Variants in ERV3-1 observed in about 807,000 individuals in gnomAD.
The protein encoded by ERV3-1 is endogenous retrovirus group 3 member 1 Env polyprotein.
Under a neutral mutation model 24.6 loss-of-function variants are expected in ERV3-1, and 36 were observed. That is an observed-to-expected ratio of 1.47 (90% CI 1.12 to 1.94). ERV3-1 has a LOEUF of 1.94. Ranked by LOEUF, ERV3-1 falls within the 30% of genes most tolerant of loss-of-function variation. ERV3-1 has a pLI of 0.00. For synonymous variants in ERV3-1, 211 were observed against 122.6 expected (o/e 1.72, Z -4.76); for missense variants, 578 against 330.9 (o/e 1.75, Z -5.79).
Position 64,991,121 on chromosome 7 carries a change from G to A in ERV3-1, c.*91C>T, listed in dbSNP as rs1199031897. ...AGGGGTAAGAGACAAGGGAGTATAA[G>A]GCAAACTCCCAATATGGCTAGGACT... On this transcript the variant is annotated 3_prime_UTR_variant, in exon 2 of 2. Transcript: ENST00000394323. 3.3e-6 allele frequency: 2 copies of A among 607,826 alleles called. No homozygotes were observed. Among genetic ancestry groups the A allele is most frequent in the Non-Finnish European group, 5.9e-6 (2 of 340,746 alleles). The allele number at this position is 607,826 out of a possible 1,614,324, so 37.7% of individuals were successfully genotyped here.
chr7:64,998,166 C>T (rs1194650555), intron 1 of ERV3-1, among the ~76,000 whole-genome samples: 1 of 152,132 alleles, frequency 6.6e-6, no homozygotes, highest in African/African-American at 2.4e-5. Context: ...GTTTCTATCT[C>T]CTCTGCTGGT....
intron 1 of ERV3-1, among the ~76,000 whole-genome samples, chr7:64,999,575 G>A (rs977743904): frequency 1.3e-5 from 2 of 152,176 alleles, no homozygotes; most frequent in Non-Finnish European, 2.9e-5. Context: ...TACCGTGACA[G>A]GTTTTACAAC....
Position 64,992,404 on chromosome 7 carries a change from T to A in ERV3-1, c.623A>T (p.Asp208Val), listed in dbSNP as rs1365329194. 1 of 766,412 alleles carries A rather than the reference T, an allele frequency of 1.3e-6. No individual in the cohort carries two copies. Among genetic ancestry groups the A allele is most frequent in the Admixed American group, 1.7e-5 (1 of 59,028 alleles). 47.5% of individuals were successfully genotyped at this position (766,412 alleles called of 1,614,324 possible). ...TAAACCTGTTGTCCATATGGGCTGA[T>A]CTGGCTCTAAGATGGTAAGATTTAC... ...NSVNLTILEP[D>V]QPIWTTGLKA... is the part of the protein sequence containing the mutation. Residue 208 changes from aspartate to valine, a missense_variant, in exon 2 of 2, where the codon GAT (aspartate) becomes GTT (valine). Coordinates refer to ENST00000394323, the MANE Select transcript of ERV3-1 (RefSeq NM_001007253.4).
At position 64,993,271 on chromosome 7, in the gene ERV3-1, G is replaced by C. The variant is rs913933303; in HGVS notation, c.-245C>G. On this transcript the variant is annotated 5_prime_UTR_variant, in exon 2 of 2. Transcript: ENST00000394323. Reference sequence around the variant, plus strand: ...GTCAGCTTCCGGAGTGACCAGAGCAGGGCTGTTGTCATCTCACTGGCACCT... The same window carrying C: ...GTCAGCTTCCGGAGTGACCAGAGCACGGCTGTTGTCATCTCACTGGCACCT... The C allele has an allele frequency of 2.2e-6, 1 of 446,046 alleles. No individual in the cohort carries two copies. Among genetic ancestry groups the C allele is most frequent in the Non-Finnish European group, 4.0e-6 (1 of 248,324 alleles). The allele number at this position is 446,046 out of a possible 1,614,324, so 27.6% of individuals were successfully genotyped here.
chr7:64,999,796 G>A (rs1340414686), intron 1 of ERV3-1, among the ~76,000 whole-genome samples: 1 of 152,186 alleles, frequency 6.6e-6, no homozygotes, highest in Non-Finnish European at 1.5e-5. Flanking sequence ...CTCTGCTCCT[G>A]GAGCCCATTC....
intron 1 of ERV3-1, among the ~76,000 whole-genome samples, chr7:64,996,812 G>A (rs1786415128): frequency 6.6e-6 from 1 of 152,178 alleles, no homozygotes; most frequent in Non-Finnish European, 1.5e-5. Flanking sequence ...CAAGTGTTCA[G>A]CCCCAGTGTC....
Position 64,992,274 on chromosome 7 carries a change from G to A in ERV3-1, c.753C>T (p.Phe251=). 1.3e-6 allele frequency: 1 copy of A among 766,344 alleles called. No homozygotes were observed. The highest frequency in any genetic ancestry group is 2.4e-6 in the Non-Finnish European group (1 of 417,890). The allele number at this position is 766,344 out of a possible 1,614,324, so 47.5% of individuals were successfully genotyped here. The change falls in exon 2 of 2, where the codon TTC becomes TTT. Residue 251 remains phenylalanine, a synonymous_variant. Transcript: ENST00000394323. ...KKTRTRSTQQ[F]RVFESFYEHV... Reference sequence around the variant, plus strand: ...GCTCATAGAATGACTCAAAAACTCGGAACTGTTGGGTTGAGCGGGTCCGAG... The same window carrying A: ...GCTCATAGAATGACTCAAAAACTCGAAACTGTTGGGTTGAGCGGGTCCGAG...
At chr7:64,999,508 T>TG (rs1274787438) in intron 1 of ERV3-1, among the ~76,000 whole-genome samples, 1 of 152,182 alleles carries the variant, frequency 6.6e-6, no homozygotes, top group Non-Finnish European at 1.5e-5. Flanking sequence ...GTTTTTGGCA[T>TG]GAAACCTGTG....
chr7:64,994,796 C>G (rs144321087), intron 1 of ERV3-1, among the ~76,000 whole-genome samples: 4 of 152,324 alleles, frequency 2.6e-5, no homozygotes, highest in South Asian at 2.1e-4. Context: ...GCTGGAGAAC[C>G]CTCGTTAGGG....
chr7:65,000,897 G>T (rs1377504709), intron 1 of ERV3-1, among the ~76,000 whole-genome samples: 1 of 152,180 alleles, frequency 6.6e-6, no homozygotes, highest in East Asian at 1.9e-4. Flanking sequence ...CAGAAACATG[G>T]ACAGAGTTGG....
intron 1 of ERV3-1, among the ~76,000 whole-genome samples, chr7:65,003,114 G>A (rs1786559350): frequency 6.6e-6 from 1 of 152,118 alleles, no homozygotes; most frequent in Admixed American, 6.5e-5. Flanking sequence ...TCAGTATAAA[G>A]GCTTCTTCCA....
At chr7:64,998,390 CCA>C (rs1465542612) in intron 1 of ERV3-1, among the ~76,000 whole-genome samples, 1 of 152,128 alleles carries the variant, frequency 6.6e-6, no homozygotes, top group Non-Finnish European at 1.5e-5. Context: ...TCCTCCGACC[CCA>C]GTCACCACCT....
rs1448154274 is a variant in ERV3-1 at position 64,992,957 on chromosome 7, G to T, written c.70C>A (p.Pro24Thr). Residue 24 changes from proline (P) to threonine (T), a missense_variant, in exon 2 of 2, where the codon CCC becomes ACC. Pro to Thr is a conservative substitution (Grantham distance 38). Transcript: ENST00000394323. The stretch of plus-strand genomic sequence containing the variant: ...GTGCAGTGGAGGCATCCCTCCCAGG[G>T]TTCTCCTTTTAACATGGATAAGGGG... ...LLPLSMLKGE[P>T]WEGCLHCTHT... 5 of 766,276 alleles carry T rather than the reference G, an allele frequency of 6.5e-6. No homozygotes were observed. The highest frequency in any genetic ancestry group is 1.2e-5 in the Non-Finnish European group (5 of 417,894). The allele number at this position is 766,276 out of a possible 1,614,324, so 47.5% of individuals were successfully genotyped here. A position where few individuals can be genotyped will look rare whatever the true frequency, so the allele number is the denominator to read the frequency against.
intron 1 of ERV3-1, among the ~76,000 whole-genome samples, chr7:65,005,356 G>A (rs777360480): frequency 1.7e-4 from 26 of 152,146 alleles, no homozygotes; most frequent in Admixed American, 7.2e-4. Flanking sequence ...AAAATATTCT[G>A]ATAAGGTTTC....
At chr7:65,004,498 A>C (rs1486989297) in intron 1 of ERV3-1, 1 of 152,186 alleles carries the variant, frequency 6.6e-6, no homozygotes, top group African/African-American at 2.4e-5. Flanking sequence ...TTAAGAATGG[A>C]ATATAGGATT....
chr7:65,001,435 C>T (rs1786521763), intron 1 of ERV3-1, among the ~76,000 whole-genome samples: 1 of 152,204 alleles, frequency 6.6e-6, no homozygotes, highest in Non-Finnish European at 1.5e-5. Context: ...GCAAGAAACA[C>T]CAGGATGAAA....
At chr7:65,001,375 T>G (rs565864382) in intron 1 of ERV3-1, among the ~76,000 whole-genome samples, 14 of 152,148 alleles carry the variant, frequency 9.2e-5, no homozygotes, top group Non-Finnish European at 1.6e-4. Context: ...ATTCAGTGTC[T>G]GGGAATAGGA....
chr7:64,995,959 G>C (rs77940633), intron 1 of ERV3-1, among the ~76,000 whole-genome samples: 1 of 152,206 alleles, frequency 6.6e-6, no homozygotes, highest in African/African-American at 2.4e-5. Flanking sequence ...CAGGCGAGCT[G>C]TCCCCCTGTG....
At chr7:64,997,977 T>A (rs1416719366) in intron 1 of ERV3-1, among the ~76,000 whole-genome samples, 2 of 152,186 alleles carry the variant, frequency 1.3e-5, no homozygotes, top group Non-Finnish European at 2.9e-5. Flanking sequence ...TGCCACACTC[T>A]GGTGTGGCCA....
Sources: allele counts gnomAD v4.1 joint callset (sites outside exome capture counted in the v4.1 genomes callset), GRCh38; gene constraint gnomAD v4.1.1; transcripts MANE v1.5; gene names NCBI Gene and HGNC (gene_info 2026-07-23, HGNC 2026-07-21).